Variants in LSM8 observed in about 807,000 individuals in gnomAD.
The protein encoded by LSM8 is LSM8 U6 small nuclear RNA associated.
Under a neutral mutation model 15.0 loss-of-function variants are expected in LSM8, and 14 were observed. The ratio of observed to expected loss-of-function variants is 0.93; its 90% CI spans 0.62 to 1.46. The LOEUF is 1.46. Among genes scored for constraint, LSM8 ranks in the 40% most tolerant of loss-of-function variants. The pLI, the probability that LSM8 is intolerant of heterozygous loss-of-function variation, is 0.00. For synonymous variants in LSM8, 50 were observed against 42.1 expected, an observed-to-expected ratio of 1.19 and a Z score of -0.73; for missense variants, 90 against 115.4, an observed-to-expected ratio of 0.78 and a Z score of 1.01.
At position 118,194,363 on chromosome 7, in the gene LSM8, CTT is replaced by C. The variant is rs11316449; in HGVS notation, c.*2372_*2373del. On this transcript the variant is annotated 3_prime_UTR_variant, in exon 4 of 4. Coordinates refer to ENST00000249299, the MANE Select transcript of LSM8 (RefSeq NM_016200.5). ...AAAGGGCAATTAACTGCAAAAGGGA[CTT>C]TTTTTTTTTTAACTGACAAGATACT... Among the ~76,000 whole-genome samples, 105 of 149,224 alleles carry C rather than the reference CTT, an allele frequency of 7.0e-4. No individual in the cohort carries two copies. The highest frequency in any genetic ancestry group is 1.8e-3 in the East Asian group (9 of 5,056).
At chr7:118,188,961 CA>C (rs1455179765) in intron 3 of LSM8, 1 of 152,318 alleles carries the variant, frequency 6.6e-6, no homozygotes, top group Non-Finnish European at 1.5e-5. Context: ...TTACTTGGGA[CA>C]GACAGATATA....
At position 118,199,044 on chromosome 7, in the gene LSM8, CTG is replaced by C. The variant is rs1437508103; in HGVS notation, c.*7045_*7046del. ...ACACCGTTGCTGAACTAGGTGCTGT[CTG>C]TGCAGCTCCACTGGGAGAGGACATC... On this transcript the variant is annotated 3_prime_UTR_variant, in exon 4 of 4. Transcript: ENST00000249299. 7.2e-5 allele frequency among the ~76,000 whole-genome samples: 11 copies of C among 152,334 alleles called. No homozygotes were observed. Among genetic ancestry groups the C allele is most frequent in the Middle Eastern group, 3.4e-3 (1 of 294 alleles).
rs551222976 is a variant in LSM8 at position 118,188,465 on chromosome 7, G to A, written c.200+60G>A. On this transcript the variant is annotated intron_variant, in intron 3 of 3. Transcript: ENST00000249299. ...TACTGCCTTACTTTATGGAGAAGAG[G>A]CTTTCCCCAAAATACCCTACTGTAT... The A allele has an allele frequency of 8.1e-5, 120 of 1,489,798 alleles. 2 individuals are homozygous for A. The East Asian group carries it at 2.7e-3, about 34-fold the overall frequency. 92.3% of individuals were successfully genotyped at this position (1,489,798 alleles called of 1,614,324 possible). A position where few individuals can be genotyped will look rare whatever the true frequency, so the allele number is the denominator to read the frequency against.
intron 1 of LSM8, chr7:118,184,721 A>C (rs1457738498): frequency 6.5e-6 from 1 of 152,984 alleles, no homozygotes; most frequent in East Asian, 1.9e-4. Flanking sequence ...TGAAGTCCCA[A>C]CTTGTTGGTA....
At chr7:118,185,507 A>G (rs957244381) in intron 1 of LSM8, 147 bp from the exon 2 acceptor site, 21 of 697,430 alleles carry the variant, frequency 3.0e-5, no homozygotes, top group Non-Finnish European at 4.9e-5. Context: ...AGAAACTTTT[A>G]ACGTTTTTAT....
rs1378055683 is a variant in LSM8, at chr7:118,196,998, A to C, written c.*4996A>C. On this transcript the variant is annotated 3_prime_UTR_variant, in exon 4 of 4. Coordinates refer to ENST00000249299, the MANE Select transcript of LSM8 (RefSeq NM_016200.5). ...CACTTCGGCGTCCCAAAGTGCTGGA[A>C]TTACAGGCATGAACCACCACGCCCA... 1.3e-5 allele frequency among the ~76,000 whole-genome samples: 2 copies of C among 151,980 alleles called. No homozygotes were observed. Among genetic ancestry groups the C allele is most frequent in the Non-Finnish European group, 2.9e-5 (2 of 68,008 alleles).
Position 118,196,863 on chromosome 7 carries a change from G to C in LSM8, c.*4861G>C, listed in dbSNP as rs193007377. Among the ~76,000 whole-genome samples, 771 of 151,888 alleles carry C rather than the reference G, an allele frequency of 5.1e-3. 6 individuals are homozygous for C. The highest frequency in any genetic ancestry group is 0.017 in the African/African-American group (711 of 41,384). On this transcript the variant is annotated 3_prime_UTR_variant, in exon 4 of 4. Transcript: ENST00000249299. ...CCCTGCCTTAGCCTCCCGAGTAGCT[G>C]GGACTACAGGCACGCGCCACCACAC...
At position 118,199,136 on chromosome 7, in the gene LSM8, A is replaced by G. The variant is rs1809128487; in HGVS notation, c.*7134A>G. Among the ~76,000 whole-genome samples, 1 of 152,072 alleles carries G rather than the reference A, an allele frequency of 6.6e-6. No individual in the cohort carries two copies. The highest frequency in any genetic ancestry group is 1.9e-4 in the East Asian group (1 of 5,192). ...ACACCTTTTCCATTTACTGATTTTAATCTATATCCTCTCACTATAATCTGC... is the reference window on the plus strand; with the variant it reads ...ACACCTTTTCCATTTACTGATTTTAGTCTATATCCTCTCACTATAATCTGC... On this transcript the variant is annotated 3_prime_UTR_variant, in exon 4 of 4. Transcript: ENST00000249299.
rs1218774202 is a variant in LSM8, at chr7:118,202,882, C to T, written c.*10880C>T. 6.6e-6 allele frequency among the ~76,000 whole-genome samples: 1 copy of T among 151,772 alleles called. No individual in the cohort carries two copies. Among genetic ancestry groups the T allele is most frequent in the African/African-American group, 2.4e-5 (1 of 41,372 alleles). ...TGCAGAATATGAATTTTAATAAATTCCCCAGGTGAGTCATATGCACATTAA... is the reference window on the plus strand; with the variant it reads ...TGCAGAATATGAATTTTAATAAATTTCCCAGGTGAGTCATATGCACATTAA... On this transcript the variant is annotated 3_prime_UTR_variant, in exon 4 of 4. Transcript: ENST00000249299.
chr7:118,186,403 C>G (rs893081321), intron 2 of LSM8, among the ~76,000 whole-genome samples: 2 of 152,112 alleles, frequency 1.3e-5, no homozygotes, highest in Admixed American at 1.3e-4. Flanking sequence ...ATTTTCTAAC[C>G]TTACCTAGTT....
chr7:118,188,189 C>T (rs1808917481), intron 2 of LSM8, 89 bp from the exon 3 acceptor site: 2 of 1,431,454 alleles, frequency 1.4e-6, no homozygotes, highest in Non-Finnish European at 9.8e-7. Context: ...TATTGGAATA[C>T]CTGGCAACTA....
rs1408988679 is a variant in LSM8, at chr7:118,198,747, T to C, written c.*6745T>C. 6.6e-6 allele frequency among the ~76,000 whole-genome samples: 1 copy of C among 152,194 alleles called. No individual in the cohort carries two copies. Among genetic ancestry groups the C allele is most frequent in the African/African-American group, 2.4e-5 (1 of 41,452 alleles). On this transcript the variant is annotated 3_prime_UTR_variant, in exon 4 of 4. Coordinates refer to ENST00000249299, the MANE Select transcript of LSM8 (RefSeq NM_016200.5). The stretch of plus-strand genomic sequence containing the variant: ...ACTGACCTCTCTGTACAGTAAAGGC[T>C]CAAATCCTTTTTATTGCAAAGAAAG...
At position 118,203,248 on chromosome 7, in the gene LSM8, A is replaced by G. The variant is rs934160486; in HGVS notation, c.*11246A>G. Among the ~76,000 whole-genome samples the G allele has an allele frequency of 6.6e-6, 1 of 151,956 alleles. No individual in the cohort carries two copies. The highest frequency in any genetic ancestry group is 1.5e-5 in the Non-Finnish European group (1 of 67,892). ...TGTACAGGAGAAATGCTTATATGAG[A>G]ACAGAATTATGGGGCACTCTGAATA... is the stretch of plus-strand genomic sequence containing the variant. On this transcript the variant is annotated 3_prime_UTR_variant, in exon 4 of 4. Transcript: ENST00000249299.
rs759157305 is a variant in LSM8 at position 118,185,655 on chromosome 7, A to C, written c.33A>C (p.Arg11=). 3 of 1,609,468 alleles carry C rather than the reference A, an allele frequency of 1.9e-6. No homozygotes were observed. The highest frequency in any genetic ancestry group is 1.7e-4 in the Middle Eastern group (1 of 6,054). Residue 11 remains arginine, a splice_region_variant and synonymous_variant, in exon 2 of 4, where the codon CGA becomes CGC. Coordinates refer to ENST00000249299, the MANE Select transcript of LSM8 (RefSeq NM_016200.5). ...CACTTTCTTTGATTCAGTTATCAGGAACTGTTGCCGTTATTACATCAGATG... is the reference window on the plus strand; with the variant it reads ...CACTTTCTTTGATTCAGTTATCAGGCACTGTTGCCGTTATTACATCAGATG... The part of the protein sequence containing the change: MTSALENYIN[R]TVAVITSDGR...
Position 118,202,029 on chromosome 7 carries a change from C to G in LSM8, c.*10027C>G, listed in dbSNP as rs1378678752. Among the ~76,000 whole-genome samples the G allele has an allele frequency of 6.6e-6, 1 of 152,026 alleles. No individual in the cohort carries two copies. Among genetic ancestry groups the G allele is most frequent in the Non-Finnish European group, 1.5e-5 (1 of 67,980 alleles). Reference sequence around the variant, plus strand: ...TATTCTGCTTTTGGACTTGTAAGACCAAGAGCAGACTCCCTAAACACAGAG... The same window carrying G: ...TATTCTGCTTTTGGACTTGTAAGACGAAGAGCAGACTCCCTAAACACAGAG... On this transcript the variant is annotated 3_prime_UTR_variant, in exon 4 of 4. Coordinates refer to ENST00000249299, the MANE Select transcript of LSM8 (RefSeq NM_016200.5).
At position 118,193,636 on chromosome 7, in the gene LSM8, G is replaced by A. The variant is rs964158441; in HGVS notation, c.*1634G>A. On this transcript the variant is annotated 3_prime_UTR_variant, in exon 4 of 4. Transcript: ENST00000249299. ...ATAATCAATTTATTAATAAAATGAT[G>A]GAAAGTGGGTAAGGCAAACAGGCAA... Among the ~76,000 whole-genome samples, 63 of 152,034 alleles carry A rather than the reference G, an allele frequency of 4.1e-4. No individual in the cohort carries two copies. Among genetic ancestry groups the A allele is most frequent in the African/African-American group, 1.5e-3 (61 of 41,414 alleles).
At chr7:118,188,440 T>TGGCTC in intron 3 of LSM8, 35 bp downstream of exon 3, 3 of 1,580,228 alleles carry the variant, frequency 1.9e-6, no homozygotes, top group Non-Finnish European at 1.7e-6. Flanking sequence ...TTATAAATGA[T>TGGCTC]ACTGCCTTAC....
rs1359858134 is a variant in LSM8, at chr7:118,200,678, T to C, written c.*8676T>C. 6.6e-6 allele frequency among the ~76,000 whole-genome samples: 1 copy of C among 152,132 alleles called. No homozygotes were observed. Among genetic ancestry groups the C allele is most frequent in the Non-Finnish European group, 1.5e-5 (1 of 68,002 alleles). ...TGACTTATATTTCATTCCATGGAAT[T>C]CAAATTTAATTAATTGATAAATCAC... On this transcript the variant is annotated 3_prime_UTR_variant, in exon 4 of 4. Coordinates refer to ENST00000249299, the MANE Select transcript of LSM8 (RefSeq NM_016200.5).
intron 2 of LSM8, among the ~76,000 whole-genome samples, chr7:118,186,449 T>A (rs190819034): frequency 7.9e-5 from 12 of 152,352 alleles, no homozygotes; most frequent in Admixed American, 2.0e-4. Flanking sequence ...TTTCCATTCT[T>A]CAGTTTTGCT....
Sources: allele counts gnomAD v4.1 joint callset (sites outside exome capture counted in the v4.1 genomes callset), GRCh38; gene constraint gnomAD v4.1.1; transcripts MANE v1.5; gene names NCBI Gene and HGNC (gene_info 2026-07-23, HGNC 2026-07-21).